Variants in CLEC2B observed in about 807,000 individuals in gnomAD.
The protein encoded by CLEC2B is C-type lectin domain family 2 member B.
A neutral mutation model predicts 16.2 loss-of-function variants in CLEC2B; 14 were observed. The observed-to-expected ratio is 0.86, with a 90% CI of 0.57 to 1.35. The LOEUF (loss-of-function observed/expected upper bound fraction) is 1.35. Ranked by LOEUF, CLEC2B falls within the 40% of genes most tolerant of loss-of-function variation. The pLI is 0.00. For missense variants in CLEC2B, 166 were observed against 182.3 expected, an observed-to-expected ratio of 0.91 and a Z score of 0.52; for synonymous variants, 42 against 55.8, an observed-to-expected ratio of 0.75 and a Z score of 1.10.
At chr12:9,867,829 T>G (rs1867983528) in intron 1 of CLEC2B, among the ~76,000 whole-genome samples, 2 of 152,130 alleles carry the variant, frequency 1.3e-5, no homozygotes, top group Non-Finnish European at 2.9e-5. Flanking sequence ...TAGAAAAGTT[T>G]CAGTGACTCA....
At chr12:9,864,055 G>C (rs560204426) in intron 1 of CLEC2B, among the ~76,000 whole-genome samples, 1 of 151,082 alleles carries the variant, frequency 6.6e-6, no homozygotes, top group African/African-American at 2.4e-5. Context: ...AAATCAGCAA[G>C]AGAAGAGAAG....
At chr12:9,863,923 A>G (rs879779975) in intron 1 of CLEC2B, among the ~76,000 whole-genome samples, 5 of 152,196 alleles carry the variant, frequency 3.3e-5, no homozygotes, top group Admixed American at 6.5e-5. Flanking sequence ...AGCTTGAGAA[A>G]GAGATAAAGA....
intron 2 of CLEC2B, among the ~76,000 whole-genome samples, chr12:9,859,894 T>C (rs183338328): frequency 2.4e-4 from 36 of 151,886 alleles, no homozygotes; most frequent in African/African-American, 8.4e-4. Context: ...GATTATCTTA[T>C]CTCAATATTA....
intron 3 of CLEC2B, among the ~76,000 whole-genome samples, chr12:9,856,713 T>C (rs1867896170): frequency 2.0e-5 from 3 of 152,096 alleles, no homozygotes; most frequent in African/African-American, 7.2e-5. Flanking sequence ...AATCAAGTTA[T>C]ATTACCTCTT....
chr12:9,865,301 G>A (rs1867963441), intron 1 of CLEC2B, among the ~76,000 whole-genome samples: 1 of 151,552 alleles, frequency 6.6e-6, no homozygotes, highest in African/African-American at 2.4e-5. Context: ...GAGAATGAAA[G>A]TGAAGGGGAT....
At chr12:9,863,389 A>T (rs896625791) in intron 1 of CLEC2B, among the ~76,000 whole-genome samples, 2 of 152,212 alleles carry the variant, frequency 1.3e-5, no homozygotes, top group Non-Finnish European at 2.9e-5. Context: ...ACACAAAGAC[A>T]TAGATGCATA....
intron 1 of CLEC2B, among the ~76,000 whole-genome samples, chr12:9,863,248 T>G (rs951150731): frequency 6.6e-6 from 1 of 152,088 alleles, no homozygotes; most frequent in Non-Finnish European, 1.5e-5. Context: ...TAAGGCACCA[T>G]GTAGTCATAA....
intron 3 of CLEC2B, among the ~76,000 whole-genome samples, chr12:9,856,480 T>C (rs1477091389): frequency 6.6e-6 from 1 of 152,038 alleles, no homozygotes; most frequent in Admixed American, 6.6e-5. Context: ...TACTACCTTT[T>C]TTTCTTGCAA....
intron 3 of CLEC2B, 175 bp from the exon 4 acceptor site, chr12:9,854,659 GT>G (rs1435459467): frequency 1.8e-5 from 9 of 512,260 alleles, no homozygotes; most frequent in South Asian, 6.1e-5. Flanking sequence ...CTGACCTTCA[GT>G]TTTTTTTGTG....
In CLEC2B at chr12:9,854,516, C is replaced by T. The variant is rs748548854; in HGVS notation, c.238-32G>A. ...AGACAAAATTAATTTCAAAATCATA[C>T]ATGCCAATTTTTATGACAACCTACT... On this transcript the variant is annotated intron_variant, in intron 3 of 4. Coordinates refer to ENST00000228438, the MANE Select transcript of CLEC2B (RefSeq NM_005127.3). 2.8e-6 allele frequency: 4 copies of T among 1,423,336 alleles called. No individual in the cohort carries two copies. The Admixed American group carries it at 5.0e-5, about 18-fold the overall frequency. The allele number at this position is 1,423,336 out of a possible 1,614,324, so 88.2% of individuals were successfully genotyped here. A position where few individuals can be genotyped will look rare whatever the true frequency, so the allele number is the denominator to read the frequency against.
At chr12:9,857,338 T>C in intron 3 of CLEC2B, 136 bp downstream of exon 3, 1 of 654,658 alleles carries the variant, frequency 1.5e-6, no homozygotes, top group Admixed American at 2.9e-5. Context: ...TTATGTCACA[T>C]GGCATACTCT....
At chr12:9,868,944 T>A (rs1436114389) in intron 1 of CLEC2B, among the ~76,000 whole-genome samples, 1 of 152,118 alleles carries the variant, frequency 6.6e-6, no homozygotes, top group Non-Finnish European at 1.5e-5. Flanking sequence ...TTTTATAAAA[T>A]ACTTAGTAAA....
intron 4 of CLEC2B, 72 bp from the exon 5 acceptor site, chr12:9,853,480 A>G (rs2136976038): frequency 8.4e-7 from 1 of 1,189,280 alleles, no homozygotes; most frequent in South Asian, 1.2e-5. Context: ...TTAAACAAAA[A>G]TTCTACTTGT....
rs1358350985 is a variant in CLEC2B, at chr12:9,852,672, A to G, written c.*628T>C. Among the ~76,000 whole-genome samples, 6 of 152,168 alleles carry G rather than the reference A, an allele frequency of 3.9e-5. No homozygotes were observed. Among genetic ancestry groups the G allele is most frequent in the Admixed American group, 3.9e-4 (6 of 15,268 alleles). ...TTTGATCAACTTGTACAGATCAAAGAAAGTTTAATTTTCTTTTGGGTAAAG... is the reference window on the plus strand; with the variant it reads ...TTTGATCAACTTGTACAGATCAAAGGAAGTTTAATTTTCTTTTGGGTAAAG... On this transcript the variant is annotated 3_prime_UTR_variant, in exon 5 of 5. Coordinates refer to ENST00000228438, the MANE Select transcript of CLEC2B (RefSeq NM_005127.3).
chr12:9,853,885 T>A (rs1364614713), intron 4 of CLEC2B, among the ~76,000 whole-genome samples: 2 of 152,122 alleles, frequency 1.3e-5, no homozygotes, highest in Non-Finnish European at 2.9e-5. Context: ...ATAAACTAAG[T>A]GGCTAAGTGA....
rs545687364 is a variant in CLEC2B at position 9,853,214 on chromosome 12, G to A, written c.*86C>T. The A allele has an allele frequency of 1.3e-4, 137 of 1,064,962 alleles. No individual in the cohort carries two copies. The African/African-American group carries it at 1.6e-3, about 12-fold the overall frequency. 66.0% of individuals were successfully genotyped at this position (1,064,962 alleles called of 1,614,324 possible). A position where few individuals can be genotyped will look rare whatever the true frequency, so the allele number is the denominator to read the frequency against. ...AATTAACCAGACAGGTACAAAACTC[G>A]AACTTTGTTTAATTAAAAAAGTACT... is the stretch of plus-strand genomic sequence containing the variant. On this transcript the variant is annotated 3_prime_UTR_variant, in exon 5 of 5. Transcript: ENST00000228438.
chr12:9,855,149 A>T (rs1867885840), intron 3 of CLEC2B, among the ~76,000 whole-genome samples: 1 of 152,014 alleles, frequency 6.6e-6, no homozygotes, highest in African/African-American at 2.4e-5. Flanking sequence ...CCTTGAGGCT[A>T]CTCTGCTACT....
chr12:9,857,413 T>C, intron 3 of CLEC2B, 61 bp downstream of exon 3: 1 of 1,267,408 alleles, frequency 7.9e-7, no homozygotes, highest in Non-Finnish European at 1.1e-6. Context: ...TAATGGTGTT[T>C]GAATATTTCT....
chr12:9,856,349 A>C (rs1247512540), intron 3 of CLEC2B, among the ~76,000 whole-genome samples: 1 of 152,074 alleles, frequency 6.6e-6, no homozygotes, highest in African/African-American at 2.4e-5. Context: ...TCATTTTCAA[A>C]AGTCTTGCAA....
Sources: allele counts gnomAD v4.1 joint callset (sites outside exome capture counted in the v4.1 genomes callset), GRCh38; gene constraint gnomAD v4.1.1; transcripts MANE v1.5; gene names NCBI Gene and HGNC (gene_info 2026-07-23, HGNC 2026-07-21).